SYNPR: variants seen among roughly 807,000 people sequenced by gnomAD.
SYNPR encodes synaptoporin.
Under a neutral mutation model 32.9 loss-of-function variants are expected in SYNPR, and 23 were observed. That is an observed-to-expected ratio of 0.70 (90% CI 0.50 to 0.99). The LOEUF is 0.99. SYNPR is among the 50% of genes least tolerant of loss of function. The pLI is 0.00. For missense variants in SYNPR, 318 were observed against 349.3 expected, an observed-to-expected ratio of 0.91 and a Z score of 0.71; for synonymous variants, 146 against 135.9, an observed-to-expected ratio of 1.07 and a Z score of -0.52.
At chr3:63,495,062 A>ATT (rs1701346527) in intron 3 of SYNPR, among the ~76,000 whole-genome samples, 1 of 152,232 alleles carries the variant, frequency 6.6e-6, no homozygotes, top group South Asian at 2.1e-4. Flanking sequence ...AAGGAAGAAC[A>ATT]ACTCTAGGCT....
At chr3:63,385,674 T>C (rs779284369) in intron 2 of SYNPR, among the ~76,000 whole-genome samples, 6 of 152,234 alleles carry the variant, frequency 3.9e-5, no homozygotes, top group Non-Finnish European at 7.3e-5. Flanking sequence ...ATTTAGTTTT[T>C]TTCCAGTACT....
At chr3:63,302,991 C>T (rs929655638) in intron 2 of SYNPR, among the ~76,000 whole-genome samples, 5 of 151,168 alleles carry the variant, frequency 3.3e-5, no homozygotes, top group Admixed American at 6.6e-5. Context: ...ACAAATCATG[C>T]GAATGTATTA....
chr3:63,516,391 A>T (rs912365458), intron 3 of SYNPR, among the ~76,000 whole-genome samples: 2 of 152,142 alleles, frequency 1.3e-5, no homozygotes, highest in Non-Finnish European at 2.9e-5. Flanking sequence ...AAAGTCCTGT[A>T]TCTCTTGGAA....
At chr3:63,350,484 T>G (rs1320547893) in intron 2 of SYNPR, among the ~76,000 whole-genome samples, 1 of 152,204 alleles carries the variant, frequency 6.6e-6, no homozygotes, top group East Asian at 1.9e-4. Flanking sequence ...AAAAGCCATA[T>G]TGCTAAAGCT....
chr3:63,586,686 G>GTA lies in SYNPR; in HGVS notation c.409-22426_409-22425dup, dbSNP rs938925512. ...TGTGTGTGTGTGTGTGTGTGTGTAA[G>GTA]TATATATATATATAAGTATAATATA... On this transcript the variant is annotated intron_variant, in intron 4 of 5. Coordinates refer to ENST00000478300, the MANE Select transcript of SYNPR (RefSeq NM_001130003.2). Among the ~76,000 whole-genome samples, 23 of 147,200 alleles carry GTA rather than the reference G, an allele frequency of 1.6e-4. No individual in the cohort carries two copies. In the Middle Eastern group the frequency reaches 0.011, roughly 69 times the overall value.
intron 2 of SYNPR, among the ~76,000 whole-genome samples, chr3:63,470,276 A>G (rs75716866): frequency 0.012 from 1,839 of 152,256 alleles, 36 homozygotes; most frequent in African/African-American, 0.042. Context: ...ACAACTTCCA[A>G]CTTTTCTGTA....
At chr3:63,261,827 T>G (rs1053264586) in intron 2 of SYNPR, among the ~76,000 whole-genome samples, 1 of 149,828 alleles carries the variant, frequency 6.7e-6, no homozygotes, top group African/African-American at 2.5e-5. Context: ...AATTGAACAA[T>G]GAGAACACAA....
At chr3:63,398,997 A>T (rs1297202319) in intron 2 of SYNPR, among the ~76,000 whole-genome samples, 1 of 152,232 alleles carries the variant, frequency 6.6e-6, no homozygotes, top group East Asian at 1.9e-4. Flanking sequence ...TCTGATGCTC[A>T]TGGAATTGAC....
At chr3:63,560,688 G>C (rs1702671507) in intron 4 of SYNPR, among the ~76,000 whole-genome samples, 1 of 152,156 alleles carries the variant, frequency 6.6e-6, no homozygotes, top group Admixed American at 6.5e-5. Flanking sequence ...CATGGTGGAA[G>C]GCACCTCTTC....
chr3:63,278,346 G>T lies in SYNPR; in HGVS notation c.-188G>T. On this transcript the variant is annotated 5_prime_UTR_variant, in exon 1 of 6. Coordinates refer to ENST00000478300, the MANE Select transcript of SYNPR (RefSeq NM_001130003.2). ...TCGCTTCGCTTCCCCGACGCGCTGGGTTCCCGGAGCGCAGAGCCCAGCGTT... is the reference window on the plus strand; with the variant it reads ...TCGCTTCGCTTCCCCGACGCGCTGGTTTCCCGGAGCGCAGAGCCCAGCGTT... The T allele has an allele frequency of 1.4e-6, 1 of 692,304 alleles. No individual in the cohort carries two copies. The highest frequency in any genetic ancestry group is 2.4e-6 in the Non-Finnish European group (1 of 422,520). 42.9% of individuals were successfully genotyped at this position (692,304 alleles called of 1,614,324 possible). A position where few individuals can be genotyped will look rare whatever the true frequency, so the allele number is the denominator to read the frequency against.
At chr3:63,566,235 G>A (rs1296313094) in intron 4 of SYNPR, among the ~76,000 whole-genome samples, 1 of 152,030 alleles carries the variant, frequency 6.6e-6, no homozygotes, top group Non-Finnish European at 1.5e-5. Context: ...AGTAATTTTG[G>A]TAGACTCCCA....
intron 2 of SYNPR, among the ~76,000 whole-genome samples, chr3:63,380,095 C>T (rs139117736): frequency 0.031 from 4,675 of 152,116 alleles, 258 homozygotes; most frequent in African/African-American, 0.11. Flanking sequence ...CATTGATGGA[C>T]ATTTGGGTTG....
At chr3:63,297,969 C>T (rs1053719578) in intron 2 of SYNPR, among the ~76,000 whole-genome samples, 2 of 152,110 alleles carry the variant, frequency 1.3e-5, no homozygotes, top group Non-Finnish European at 2.9e-5. Context: ...AGGAAAGTTA[C>T]AGACCTTGCG....
Position 63,409,544 on chromosome 3 carries a change from A to C in SYNPR, c.85-71288A>C, listed in dbSNP as rs529364042. 5.8e-4 allele frequency among the ~76,000 whole-genome samples: 89 copies of C among 152,278 alleles called. No individual in the cohort carries two copies. The South Asian group carries it at 9.5e-3, about 16-fold the overall frequency. The stretch of plus-strand genomic sequence containing the variant: ...TGCTGTCTTGCCACCATGAAGATGT[A>C]CAGTGAGGACCATGGTGGTCAAGTT... On this transcript the variant is annotated intron_variant, in intron 2 of 5. Coordinates refer to ENST00000478300, the MANE Select transcript of SYNPR (RefSeq NM_001130003.2).
At chr3:63,354,823 G>C (rs895736288) in intron 2 of SYNPR, among the ~76,000 whole-genome samples, 1 of 152,186 alleles carries the variant, frequency 6.6e-6, no homozygotes, top group Non-Finnish European at 1.5e-5. Flanking sequence ...TGCTTTATGA[G>C]CTACTGACAT....
chr3:63,237,121 C>T (rs1402290162), intron 1 of SYNPR, among the ~76,000 whole-genome samples: 2 of 152,008 alleles, frequency 1.3e-5, no homozygotes, highest in Non-Finnish European at 2.9e-5. Flanking sequence ...AGATGCTTGT[C>T]AAATGCTTTT....
At chr3:63,412,629 C>T (rs2088482150) in intron 2 of SYNPR, among the ~76,000 whole-genome samples, 2 of 151,984 alleles carry the variant, frequency 1.3e-5, no homozygotes, top group Admixed American at 1.3e-4. Flanking sequence ...GAGTTGTATT[C>T]TAGGAAGGGA....
chr3:63,542,319 GA>G (rs1217727631), intron 3 of SYNPR, among the ~76,000 whole-genome samples: 1 of 152,054 alleles, frequency 6.6e-6, no homozygotes, highest in Non-Finnish European at 1.5e-5. Flanking sequence ...AAACTGTTCA[GA>G]AAATAAACAA....
intron 4 of SYNPR, among the ~76,000 whole-genome samples, chr3:63,570,560 C>T (rs1012949175): frequency 6.6e-6 from 1 of 152,146 alleles, no homozygotes; most frequent in Non-Finnish European, 1.5e-5. Context: ...GGAAGGTCCT[C>T]CTCCCTTCTC....
Sources: allele counts gnomAD v4.1 joint callset (sites outside exome capture counted in the v4.1 genomes callset), GRCh38; gene constraint gnomAD v4.1.1; transcripts MANE v1.5; gene names NCBI Gene and HGNC (gene_info 2026-07-23, HGNC 2026-07-21).